Variants in CTSO observed in about 807,000 individuals in gnomAD.
The protein encoded by CTSO is cathepsin O.
In CTSO, 40 loss-of-function variants were observed where a neutral mutation model predicts 42.4. The ratio of observed to expected loss-of-function variants is 0.94; its 90% CI spans 0.73 to 1.23. The LOEUF (loss-of-function observed/expected upper bound fraction) is 1.23. Among genes scored for constraint, CTSO ranks in the 50% most tolerant of loss-of-function variants. The probability of loss-of-function intolerance (pLI) is 0.00; values close to 1 mark genes in which losing one functional copy is unlikely to be tolerated. For synonymous variants in CTSO, 156 were observed against 146.2 expected (o/e 1.07, Z -0.48); for missense variants, 441 against 396.0 (o/e 1.11, Z -0.96).
chr4:155,938,881 C>T (rs553294144), intron 4 of CTSO, among the ~76,000 whole-genome samples: 18 of 152,172 alleles, frequency 1.2e-4, no homozygotes, highest in East Asian at 9.7e-4. Flanking sequence ...CACTTGAACC[C>T]GGGAGGTGGA....
intron 1 of CTSO, among the ~76,000 whole-genome samples, chr4:155,945,387 C>T (rs1245094242): frequency 2.0e-5 from 3 of 152,150 alleles, no homozygotes; most frequent in Admixed American, 6.5e-5. Flanking sequence ...AATATTTTGA[C>T]AACTTTATGA....
intron 1 of CTSO, among the ~76,000 whole-genome samples, chr4:155,950,858 A>G (rs1397642280): frequency 9.3e-6 from 1 of 107,150 alleles, no homozygotes; most frequent in African/African-American, 3.5e-5. Flanking sequence ...CCCCACCCCC[A>G]CACCCCAGTC....
At chr4:155,944,472 A>T (rs1353131194) in intron 1 of CTSO, among the ~76,000 whole-genome samples, 1 of 152,214 alleles carries the variant, frequency 6.6e-6, no homozygotes, top group African/African-American at 2.4e-5. Context: ...GAGACTATTA[A>T]CTGCTAAGGA....
intron 1 of CTSO, among the ~76,000 whole-genome samples, chr4:155,948,283 C>T (rs1743584242): frequency 6.6e-6 from 1 of 152,104 alleles, no homozygotes. Context: ...ACCTAGGACC[C>T]TGTCCCTGTA....
In CTSO at chr4:155,943,280, A is replaced by C. The variant is rs1437914230; in HGVS notation, c.136-16T>G. On this transcript the variant is annotated splice_polypyrimidine_tract_variant and intron_variant, in intron 1 of 7. Transcript: ENST00000433477. ...TAAGACTTTCCTAGAAGAAAAACAA[A>C]AACTATTTCATATCCACTATGTCAG... 6.8e-7 allele frequency: 1 copy of C among 1,473,858 alleles called. No homozygotes were observed. Among genetic ancestry groups the C allele is most frequent in the South Asian group, 1.2e-5 (1 of 86,560 alleles). 91.3% of individuals were successfully genotyped at this position (1,473,858 alleles called of 1,614,324 possible).
chr4:155,950,780 A>C (rs1743659145), intron 1 of CTSO, among the ~76,000 whole-genome samples: 1 of 151,932 alleles, frequency 6.6e-6, no homozygotes, highest in Admixed American at 6.6e-5. Context: ...CACAGTCCTT[A>C]TGTGAATCTA....
In CTSO at chr4:155,937,383, C is replaced by T. The variant is rs752972814; in HGVS notation, c.653G>A (p.Gly218Asp). The T allele has an allele frequency of 1.9e-5, 31 of 1,608,816 alleles. No homozygotes were observed. The highest frequency in any genetic ancestry group is 3.3e-5 in the South Asian group (3 of 90,952). The change falls in exon 5 of 8, where the codon GGT (glycine) becomes GAT (aspartate). Residue 218 changes from glycine to aspartate, a missense_variant. Gly to Asp is a moderately conservative substitution (Grantham distance 94). Transcript: ENST00000433477. The part of the protein sequence containing the change: ...SGSHSGFSIK[G>D]YSAYDFSDQE... ...TTACCTGAAGTCATATGCAGAATAA[C>T]CTTTGATTGAAAATCCAGAATGTGA...
intron 5 of CTSO, among the ~76,000 whole-genome samples, chr4:155,932,526 C>T (rs1743254641): frequency 6.6e-6 from 1 of 152,176 alleles, no homozygotes; most frequent in East Asian, 1.9e-4. Context: ...CAACTTGCAA[C>T]AATGAGATCC....
At chr4:155,948,499 T>A (rs934909026) in intron 1 of CTSO, among the ~76,000 whole-genome samples, 5 of 152,118 alleles carry the variant, frequency 3.3e-5, no homozygotes, top group Non-Finnish European at 7.4e-5. Flanking sequence ...CCTGTTAGCC[T>A]AGCTAGGATG....
At chr4:155,948,330 T>C (rs952541891) in intron 1 of CTSO, among the ~76,000 whole-genome samples, 2 of 152,040 alleles carry the variant, frequency 1.3e-5, no homozygotes, top group African/African-American at 2.4e-5. Context: ...TTATGACTTC[T>C]AGCAGCCATC....
rs1048694671 is a variant in CTSO at position 155,953,830 on chromosome 4, C to G, written c.18G>C (p.Leu6=). MDVRA[L]PWLPWLLWLL... ...GCCACAGCAGCCACGGCAGCCACGG[C>G]AGCGCCCGCACGTCCATTGCGGCGC... Residue 6 remains leucine (L), a synonymous_variant, in exon 1 of 8, where the codon CTG becomes CTC. Coordinates refer to ENST00000433477, the MANE Select transcript of CTSO (RefSeq NM_001334.3). The G allele has an allele frequency of 2.7e-5, 35 of 1,305,352 alleles. No homozygotes were observed. The African/African-American group carries it at 4.0e-4, about 15-fold the overall frequency. The allele number at this position is 1,305,352 out of a possible 1,614,324, so 80.9% of individuals were successfully genotyped here. A position where few individuals can be genotyped will look rare whatever the true frequency, so the allele number is the denominator to read the frequency against.
Position 155,942,435 on chromosome 4 carries a change from G to C in CTSO, c.266C>G (p.Pro89Arg). Residue 89 changes from proline to arginine, a missense_variant, in exon 3 of 8, where the codon CCT (proline) becomes CGT (arginine). Coordinates refer to ENST00000433477, the MANE Select transcript of CTSO (RefSeq NM_001334.3). ...TGCTGAGTATCTGGGAAACTTGGAAGGTTTGCTTCTTAAATAAATGGCTGA... is the reference window on the plus strand; with the variant it reads ...TGCTGAGTATCTGGGAAACTTGGAACGTTTGCTTCTTAAATAAATGGCTGA... ...EFKAIYLRSK[P>R]SKFPRYSAEV... The C allele has an allele frequency of 6.5e-7, 1 of 1,534,742 alleles. No homozygotes were observed. The highest frequency in any genetic ancestry group is 8.8e-7 in the Non-Finnish European group (1 of 1,141,508).
intron 5 of CTSO, among the ~76,000 whole-genome samples, chr4:155,934,296 T>C (rs1293052056): frequency 6.6e-6 from 1 of 152,208 alleles, no homozygotes; most frequent in Non-Finnish European, 1.5e-5. Context: ...TCCACCTAGA[T>C]TTCAGAAGAT....
chr4:155,937,293 T>G, intron 5 of CTSO, 69 bp downstream of exon 5: 1 of 1,325,482 alleles, frequency 7.5e-7, no homozygotes, highest in Non-Finnish European at 1.1e-6. Flanking sequence ...TTCAAACAAA[T>G]TATTAACCAG....
At position 155,939,287 on chromosome 4, in the gene CTSO, G is replaced by A. The variant is rs1311836009; in HGVS notation, c.552+84C>T. On this transcript the variant is annotated intron_variant, in intron 4 of 7. Coordinates refer to ENST00000433477, the MANE Select transcript of CTSO (RefSeq NM_001334.3). ...AACGTGGAAACATTATTTAATATAT[G>A]TGAACAAACTGTTTGAATTTTGAAC... 3.3e-6 allele frequency: 4 copies of A among 1,196,746 alleles called. No individual in the cohort carries two copies. In the African/African-American group the frequency reaches 6.0e-5, roughly 18 times the overall value. 74.1% of individuals were successfully genotyped at this position (1,196,746 alleles called of 1,614,324 possible).
Position 155,953,812 on chromosome 4 carries a change from C to T in CTSO, c.36G>A (p.Leu12=). 7.6e-7 allele frequency: 1 copy of T among 1,315,384 alleles called. No individual in the cohort carries two copies. Among genetic ancestry groups the T allele is most frequent in the Non-Finnish European group, 9.7e-7 (1 of 1,033,148 alleles). The allele number at this position is 1,315,384 out of a possible 1,614,324, so 81.5% of individuals were successfully genotyped here. The change falls in exon 1 of 8, where the codon CTG becomes CTA. Residue 12 remains leucine, a synonymous_variant. Coordinates refer to ENST00000433477, the MANE Select transcript of CTSO (RefSeq NM_001334.3). The part of the protein sequence containing the change: ...DVRALPWLPW[L]LWLLCRGGGD... ...CGCCGCCCCGGCACAGCAGCCACAG[C>T]AGCCACGGCAGCCACGGCAGCGCCC...
intron 1 of CTSO, among the ~76,000 whole-genome samples, chr4:155,949,114 T>C (rs1743601813): frequency 6.6e-6 from 1 of 152,242 alleles, no homozygotes; most frequent in Admixed American, 6.5e-5. Context: ...ATTGTTAAAT[T>C]GAATGCAAGT....
chr4:155,949,617 T>A (rs1050954944), intron 1 of CTSO, among the ~76,000 whole-genome samples: 2 of 152,262 alleles, frequency 1.3e-5, no homozygotes, highest in African/African-American at 4.8e-5. Context: ...TTTTGAAGTT[T>A]CATAGGATAA....
At chr4:155,946,941 C>G (rs1321354236) in intron 1 of CTSO, among the ~76,000 whole-genome samples, 1 of 152,134 alleles carries the variant, frequency 6.6e-6, no homozygotes, top group South Asian at 2.1e-4. Flanking sequence ...CTGCAAGCTC[C>G]GCCTCCCGGG....
Sources: allele counts gnomAD v4.1 joint callset (sites outside exome capture counted in the v4.1 genomes callset), GRCh38; gene constraint gnomAD v4.1.1; transcripts MANE v1.5; gene names NCBI Gene and HGNC (gene_info 2026-07-23, HGNC 2026-07-21).